EPS15L1: variants seen among roughly 807,000 people sequenced by gnomAD.
EPS15L1 encodes epidermal growth factor receptor substrate 15-like 1.
In EPS15L1, 43 loss-of-function variants were observed where a neutral mutation model predicts 117.1. The ratio of observed to expected loss-of-function variants is 0.37; its 90% CI spans 0.29 to 0.47. The LOEUF (loss-of-function observed/expected upper bound fraction) is 0.47. EPS15L1 is among the 20% of genes least tolerant of loss of function. EPS15L1 has a pLI of 0.99. For missense variants in EPS15L1, 981 were observed against 1,164.0 expected (o/e 0.84, Z 2.29); for synonymous variants, 459 against 470.5 (o/e 0.98, Z 0.32).
chr19:16,355,592 G>T lies in EPS15L1; in HGVS notation c.*113C>A. ...CTGCTCACCCTGAACAAGCCCCCGA[G>T]TCCCGGTCCTTGGAGTACGGTGGCG... On this transcript the variant is annotated 3_prime_UTR_variant, in exon 24 of 24. Transcript: ENST00000455140. 7.5e-7 allele frequency: 1 copy of T among 1,338,468 alleles called. No homozygotes were observed. The highest frequency in any genetic ancestry group is 1.0e-6 in the Non-Finnish European group (1 of 995,286). 82.9% of individuals were successfully genotyped at this position (1,338,468 alleles called of 1,614,324 possible).
At chr19:16,379,868 T>C (rs1167625349) in intron 21 of EPS15L1, among the ~76,000 whole-genome samples, 2 of 151,378 alleles carry the variant, frequency 1.3e-5, no homozygotes, top group Non-Finnish European at 2.9e-5. Flanking sequence ...TGTCTAAGAC[T>C]GTAGACTAGC....
At chr19:16,375,106 CAA>C (rs1256457199) in intron 22 of EPS15L1, among the ~76,000 whole-genome samples, 2 of 152,134 alleles carry the variant, frequency 1.3e-5, no homozygotes, top group Admixed American at 6.5e-5. Context: ...TGTGTACTGA[CAA>C]GAGAATATGC....
intron 1 of EPS15L1, among the ~76,000 whole-genome samples, chr19:16,465,936 G>C (rs1347027220): frequency 6.6e-6 from 1 of 151,872 alleles, no homozygotes; most frequent in Non-Finnish European, 1.5e-5. Context: ...TGAGCTCACT[G>C]GGTACAAACT....
intron 1 of EPS15L1, among the ~76,000 whole-genome samples, chr19:16,452,142 A>G (rs1297285968): frequency 6.6e-6 from 1 of 151,128 alleles, no homozygotes; most frequent in Non-Finnish European, 1.5e-5. Flanking sequence ...TCGTCTCAAA[A>G]AAAAAAAACC....
At chr19:16,455,976 G>A (rs533982609) in intron 1 of EPS15L1, among the ~76,000 whole-genome samples, 1 of 152,206 alleles carries the variant, frequency 6.6e-6, no homozygotes, top group Non-Finnish European at 1.5e-5. Flanking sequence ...CAAGACGGGT[G>A]GATCACCTGA....
chr19:16,362,121 G>A lies in EPS15L1; in HGVS notation c.2381-137C>T, dbSNP rs567354068. On this transcript the variant is annotated intron_variant, in intron 22 of 23. Coordinates refer to ENST00000455140, the MANE Select transcript of EPS15L1 (RefSeq NM_001258374.3). ...TTGTAACTTGGCTAACAGGCTGGAC[G>A]GGGGTACCCTGGGGAATCCCAGTTT... 5.9e-4 allele frequency: 515 copies of A among 865,696 alleles called. 5 individuals are homozygous for A. In the South Asian group the frequency reaches 7.8e-3, roughly 13 times the overall value. The allele number at this position is 865,696 out of a possible 1,614,324, so 53.6% of individuals were successfully genotyped here.
chr19:16,428,604 A>G, intron 8 of EPS15L1, 98 bp downstream of exon 8: 1 of 790,460 alleles, frequency 1.3e-6, no homozygotes, highest in Non-Finnish European at 2.1e-6. Flanking sequence ...AAAAGAAAAA[A>G]GAAAAGAAAA....
intron 13 of EPS15L1, among the ~76,000 whole-genome samples, chr19:16,408,552 C>T (rs543725491): frequency 4.0e-5 from 6 of 151,776 alleles, no homozygotes; most frequent in African/African-American, 1.2e-4. Context: ...CTCAGCTACT[C>T]GGGAGGCTGA....
intron 1 of EPS15L1, among the ~76,000 whole-genome samples, chr19:16,459,187 C>T (rs763650747): frequency 2.0e-5 from 3 of 152,200 alleles, no homozygotes; most frequent in African/African-American, 4.8e-5. Context: ...TTATGCGGTG[C>T]GTGACTGCAT....
chr19:16,403,623 C>A, intron 15 of EPS15L1, 110 bp downstream of exon 15: 1 of 1,040,868 alleles, frequency 9.6e-7, no homozygotes, highest in Non-Finnish European at 1.4e-6. Flanking sequence ...CCAAAAGAGA[C>A]CCTCACGTAA....
chr19:16,384,019 G>C (rs980324439), intron 21 of EPS15L1: 1 of 152,506 alleles, frequency 6.6e-6, no homozygotes, highest in Middle Eastern at 3.1e-3. Context: ...CTGCTCCAGG[G>C]GACCCCCCAC....
chr19:16,460,915 G>A (rs772874348), intron 1 of EPS15L1, among the ~76,000 whole-genome samples: 3 of 152,148 alleles, frequency 2.0e-5, no homozygotes, highest in African/African-American at 7.2e-5. Context: ...AAGTTTTTTC[G>A]TGTTTCATCT....
rs2092115408 is a variant in EPS15L1 at position 16,365,111 on chromosome 19, G to A, written c.2381-3127C>T. Among the ~76,000 whole-genome samples, 1 of 152,222 alleles carries A rather than the reference G, an allele frequency of 6.6e-6. No individual in the cohort carries two copies. The highest frequency in any genetic ancestry group is 2.1e-4 in the South Asian group (1 of 4,836). Reference sequence around the variant, plus strand: ...CCATCACAGGCAGTGGCCTTCTCAGGGAAGAAATGGCAGCCCCTTCCCCAT... The same window carrying A: ...CCATCACAGGCAGTGGCCTTCTCAGAGAAGAAATGGCAGCCCCTTCCCCAT... On this transcript the variant is annotated intron_variant, in intron 22 of 23. Transcript: ENST00000455140. This position sits in a 1 kb window ranked among gnomAD's most constrained non-coding sequence, Gnocchi z 4.9.
chr19:16,366,714 C>G (rs1042114478), intron 22 of EPS15L1, among the ~76,000 whole-genome samples: 5 of 152,158 alleles, frequency 3.3e-5, no homozygotes, highest in Non-Finnish European at 7.4e-5. Context: ...GGACCTGACA[C>G]GTGTGAGGTC....
chr19:16,441,828 C>G, intron 3 of EPS15L1, 64 bp downstream of exon 3: 1 of 1,378,938 alleles, frequency 7.3e-7, no homozygotes, highest in Non-Finnish European at 1.0e-6. Flanking sequence ...CAGGCTGGCC[C>G]TGACCTGCGG....
In EPS15L1 at chr19:16,404,704, G is replaced by A. The variant is rs750784634; in HGVS notation, c.1312C>T (p.Leu438Phe). The A allele has an allele frequency of 6.2e-7, 1 of 1,614,212 alleles. No homozygotes were observed. Among genetic ancestry groups the A allele is most frequent in the Non-Finnish European group, 8.5e-7 (1 of 1,180,040 alleles). ...LDRETSSLQE[L>F]EAQKQDAQDR... ...TGAGCATCCTGTTTCTGAGCCTCGA[G>A]CTCCTGCAAACTGCTTGTTTCCCGG... Residue 438 changes from leucine (L) to phenylalanine (F), a missense_variant, in exon 14 of 24, where the codon CTC becomes TTC. Around this residue, in one of 5 missense-constraint regions of EPS15L1, gnomAD observed 819 missense variants for 949.0 expected, o/e 0.86. Coordinates refer to ENST00000455140, the MANE Select transcript of EPS15L1 (RefSeq NM_001258374.3). The surrounding 1 kb of genome is among the most constrained non-coding windows in gnomAD (Gnocchi z 4.2).
chr19:16,465,426 G>A (rs775789187), intron 1 of EPS15L1, among the ~76,000 whole-genome samples: 2 of 152,102 alleles, frequency 1.3e-5, no homozygotes, highest in Admixed American at 6.6e-5. Context: ...GCTCACACCT[G>A]TAATCTCAGC....
At chr19:16,361,426 C>T (rs1157833248) in intron 23 of EPS15L1, among the ~76,000 whole-genome samples, 1 of 152,092 alleles carries the variant, frequency 6.6e-6, no homozygotes, top group African/African-American at 2.4e-5. Flanking sequence ...TCTTTTCATA[C>T]TTCGGAAGTG....
At position 16,471,952 on chromosome 19, in the gene EPS15L1, G is replaced by A. The variant is rs1342264463; in HGVS notation, c.-7C>T. On this transcript the variant is annotated 5_prime_UTR_variant, in exon 1 of 24. Transcript: ENST00000455140. The surrounding 1 kb of genome is among the most constrained non-coding windows in gnomAD (Gnocchi z 4.8). ...GGATGAGCGGCGCCGCCATCTTCCC[G>A]CGGACTCGGGCTCCGAGCGCCGGGG... The A allele has an allele frequency of 6.2e-6, 8 of 1,285,810 alleles. No homozygotes were observed. The highest frequency in any genetic ancestry group is 5.9e-6 in the Non-Finnish European group (6 of 1,017,344). 79.7% of individuals were successfully genotyped at this position (1,285,810 alleles called of 1,614,324 possible).
Sources: gnomAD v4.1 joint callset for allele counts (sites outside exome capture counted in the v4.1 genomes callset) on GRCh38, gnomAD v4.1.1 for gene constraint, gnomAD v4.1.1 regional missense constraint, Gnocchi (gnomAD v3.1) non-coding constraint, MANE v1.5 for transcripts, NCBI Gene and HGNC (gene_info 2026-07-23, HGNC 2026-07-21) for gene names.